The following KLF8 variants were observed in gnomAD, a reference collection of about 807,000 sequenced individuals.
The protein encoded by KLF8 is Krueppel-like factor 8.
KLF8 carries 10 observed loss-of-function variants against 18.2 expected under a neutral mutation model. The ratio of observed to expected loss-of-function variants is 0.55; its 90% CI spans 0.34 to 0.93. The LOEUF (loss-of-function observed/expected upper bound fraction) is 0.93. Ranked by LOEUF, KLF8 falls within the 40% of genes least tolerant of loss-of-function variation. The pLI is 0.02. For missense variants in KLF8, 264 were observed against 277.9 expected (o/e 0.95, Z 0.36); for synonymous variants, 109 against 97.3 (o/e 1.12, Z -0.71).
chrX:55,998,874 G>C, the KLF8 span, among the ~76,000 whole-genome samples: 1 of 68,860 alleles, frequency 1.5e-5, no homozygotes, highest in Admixed American at 1.5e-4. Context: ...TTTTGTTTTT[G>C]TTGCAATTGC....
chrX:56,061,197 C>T, the KLF8 span, among the ~76,000 whole-genome samples: 2 of 111,308 alleles, frequency 1.8e-5, no homozygotes, highest in African/African-American at 6.5e-5. Flanking sequence ...TATTTCTTGT[C>T]TTCTGCTAGC....
the KLF8 span, among the ~76,000 whole-genome samples, chrX:56,064,085 G>GTATATACATATATACATGTGTGTA: frequency 1.5e-4 from 16 of 103,736 alleles, no homozygotes; most frequent in East Asian, 9.0e-4. Flanking sequence ...ACATGTGTGT[G>GTATATACATATATACATGTGTGTA]TATATATACA....
the KLF8 span, among the ~76,000 whole-genome samples, chrX:56,159,633 G>A: frequency 1.8e-5 from 2 of 112,113 alleles, no homozygotes. Flanking sequence ...TATGTGTTGA[G>A]GAATTTATCC....
At chrX:56,211,623 G>A in the KLF8 span, among the ~76,000 whole-genome samples, 1 of 112,309 alleles carries the variant, frequency 8.9e-6, no homozygotes, top group Non-Finnish European at 1.9e-5. Flanking sequence ...AGGGCAATGA[G>A]GTCCCCAGGC....
At chrX:56,021,268 G>T in the KLF8 span, among the ~76,000 whole-genome samples, 1 of 111,691 alleles carries the variant, frequency 9.0e-6, no homozygotes, top group Admixed American at 9.5e-5. Context: ...TGATGCTGTT[G>T]TGTGCAGCAG....
the KLF8 span, among the ~76,000 whole-genome samples, chrX:55,995,101 A>G: frequency 8.9e-6 from 1 of 112,163 alleles, no homozygotes. Context: ...TTGGGAGCAT[A>G]TATATTTAGG....
the KLF8 span, among the ~76,000 whole-genome samples, chrX:56,081,468 A>G: frequency 8.9e-6 from 1 of 111,814 alleles, no homozygotes; most frequent in African/African-American, 3.2e-5. Context: ...AATGCCTTTT[A>G]TTTCTTAATT....
the KLF8 span, among the ~76,000 whole-genome samples, chrX:56,085,184 T>C: frequency 8.9e-6 from 1 of 111,754 alleles, no homozygotes; most frequent in Non-Finnish European, 1.9e-5. Flanking sequence ...TTTTCTCCTG[T>C]AGACAAATAG....
At chrX:56,220,237 C>G in the KLF8 span, among the ~76,000 whole-genome samples, 1 of 111,709 alleles carries the variant, frequency 9.0e-6, no homozygotes. Flanking sequence ...ATTAGTACTC[C>G]AAGAATTGCA....
chrX:56,047,689 A>C, the KLF8 span, among the ~76,000 whole-genome samples: 1 of 111,112 alleles, frequency 9.0e-6, no homozygotes, highest in Non-Finnish European at 1.9e-5. Context: ...GCTTGGTTCC[A>C]AGTCTTTGCT....
chrX:55,979,924 G>A, the KLF8 span, among the ~76,000 whole-genome samples: 8 of 112,074 alleles, frequency 7.1e-5, no homozygotes, highest in South Asian at 2.2e-3. Context: ...AGTAGGTTCT[G>A]TGATGCTTCT....
intron 2 of KLF8, among the ~76,000 whole-genome samples, chrX:56,253,063 A>G (rs1330446387): frequency 1.8e-5 from 2 of 112,097 alleles, no homozygotes. Context: ...GAATTATTAG[A>G]CTTTTTTCTA....
the KLF8 span, among the ~76,000 whole-genome samples, chrX:56,205,370 A>G: frequency 1.8e-5 from 2 of 111,991 alleles, no homozygotes; most frequent in Non-Finnish European, 3.8e-5. Flanking sequence ...AATAGAAACT[A>G]GCTAGCTTAA....
intron 1 of KLF8, among the ~76,000 whole-genome samples, chrX:56,249,341 G>A (rs1392212030): frequency 8.9e-6 from 1 of 112,168 alleles, no homozygotes; most frequent in Non-Finnish European, 1.9e-5. Flanking sequence ...AACACTTTGA[G>A]TTGTTGACTG....
At chrX:56,163,390 C>G in the KLF8 span, among the ~76,000 whole-genome samples, 1 of 111,991 alleles carries the variant, frequency 8.9e-6, no homozygotes, top group African/African-American at 3.2e-5. Flanking sequence ...GCATTTATGT[C>G]TTCTTTTGAA....
chrX:56,212,305 C>A, the KLF8 span, among the ~76,000 whole-genome samples: 1 of 110,340 alleles, frequency 9.1e-6, no homozygotes, highest in African/African-American at 3.3e-5. Flanking sequence ...TGCTTACACT[C>A]CCTTGGCTGT....
chrX:56,051,891 C>T, the KLF8 span, among the ~76,000 whole-genome samples: 1 of 109,721 alleles, frequency 9.1e-6, no homozygotes, highest in Non-Finnish European at 1.9e-5. Flanking sequence ...TTCTCCCCAT[C>T]ACTTTCAGGT....
chrX:56,074,625 A>T, the KLF8 span: 1 of 132,875 alleles, frequency 7.5e-6, no homozygotes, highest in African/African-American at 3.2e-5. Flanking sequence ...TCTCAAATAT[A>T]AATTCTAATT....
At chrX:56,022,694 G>C in the KLF8 span, among the ~76,000 whole-genome samples, 1 of 109,845 alleles carries the variant, frequency 9.1e-6, no homozygotes, top group African/African-American at 3.3e-5. Context: ...CAGCATGCAA[G>C]TCACAGTGAA....
Sources: allele counts gnomAD v4.1 joint callset (sites outside exome capture counted in the v4.1 genomes callset), GRCh38; gene constraint gnomAD v4.1.1; transcripts MANE v1.5; gene names NCBI Gene and HGNC (gene_info 2026-07-23, HGNC 2026-07-21).